The following MYO5B variants were observed in gnomAD, a reference collection of about 807,000 sequenced individuals.
The protein encoded by MYO5B is myosin VB.
Under a neutral mutation model 229.3 loss-of-function variants are expected in MYO5B, and 143 were observed. The observed-to-expected ratio is 0.62, with a 90% CI of 0.54 to 0.72. The LOEUF (loss-of-function observed/expected upper bound fraction) is 0.72, where lower values mean the gene tolerates loss of function less well. MYO5B is among the 30% of genes least tolerant of loss of function. MYO5B has a pLI of 0.00. For missense variants in MYO5B, 2,321 were observed against 2,331.0 expected, an observed-to-expected ratio of 1.00 and a Z score of 0.09; for synonymous variants, 918 against 885.2, an observed-to-expected ratio of 1.04 and a Z score of -0.66.
Position 50,194,809 on chromosome 18 carries a change from G to A in MYO5B, c.-16C>T. On this transcript the variant is annotated 5_prime_UTR_variant, in exon 1 of 40. Coordinates refer to ENST00000285039, the MANE Select transcript of MYO5B (RefSeq NM_001080467.3). Reference sequence around the variant, plus strand: ...CCACCGACATGGCCCGGGCCGGGCGGGGCTCGGGCCCCGGCTCCTGGCTGC... The same window carrying A: ...CCACCGACATGGCCCGGGCCGGGCGAGGCTCGGGCCCCGGCTCCTGGCTGC... 1 of 1,338,864 alleles carries A rather than the reference G, an allele frequency of 7.5e-7. No homozygotes were observed. The highest frequency in any genetic ancestry group is 9.5e-7 in the Non-Finnish European group (1 of 1,049,094). 82.9% of individuals were successfully genotyped at this position (1,338,864 alleles called of 1,614,324 possible). A position where few individuals can be genotyped will look rare whatever the true frequency, so the allele number is the denominator to read the frequency against.
At chr18:50,175,056 G>A (rs2032976181) in intron 1 of MYO5B, among the ~76,000 whole-genome samples, 1 of 152,188 alleles carries the variant, frequency 6.6e-6, no homozygotes, top group Non-Finnish European at 1.5e-5. Flanking sequence ...GACACTATGG[G>A]GAAGTGACAT....
intron 31 of MYO5B, among the ~76,000 whole-genome samples, 179 bp downstream of exon 31, chr18:49,853,269 GC>G (rs1568610686): frequency 6.6e-6 from 1 of 152,214 alleles, no homozygotes; most frequent in Non-Finnish European, 1.5e-5. Context: ...CAGGAGTGGG[GC>G]TGTCTGAGAT....
At chr18:50,182,363 TG>T (rs2033085152) in intron 1 of MYO5B, among the ~76,000 whole-genome samples, 1 of 152,184 alleles carries the variant, frequency 6.6e-6, no homozygotes, top group Non-Finnish European at 1.5e-5. Flanking sequence ...AGACTGGTTT[TG>T]GGGGTGTTTG....
chr18:49,882,086 T>C (rs1450360248), intron 22 of MYO5B, among the ~76,000 whole-genome samples: 1 of 152,106 alleles, frequency 6.6e-6, no homozygotes. Flanking sequence ...CTTTGTGACA[T>C]GGATGAGGAC....
intron 15 of MYO5B, among the ~76,000 whole-genome samples, chr18:49,936,556 G>A (rs2025252497): frequency 6.6e-6 from 1 of 152,020 alleles, no homozygotes; most frequent in Non-Finnish European, 1.5e-5. Flanking sequence ...CCTATTTAAG[G>A]GTTCCTTGAA....
At chr18:50,158,568 T>C (rs188278246) in intron 1 of MYO5B, among the ~76,000 whole-genome samples, 6 of 152,326 alleles carry the variant, frequency 3.9e-5, no homozygotes, top group Admixed American at 2.0e-4. Context: ...CATTTGTACA[T>C]GGACAATCAC....
chr18:49,866,053 A>T (rs2024391877), intron 27 of MYO5B, among the ~76,000 whole-genome samples: 1 of 152,146 alleles, frequency 6.6e-6, no homozygotes, highest in Admixed American at 6.5e-5. Flanking sequence ...AATATAAAAC[A>T]CAAAATTAGC....
At chr18:49,874,606 T>TTGATTGCAAA (rs2024495019) in intron 26 of MYO5B, among the ~76,000 whole-genome samples, 1 of 152,174 alleles carries the variant, frequency 6.6e-6, no homozygotes, top group African/African-American at 2.4e-5. Context: ...TGTATCACAA[T>TTGATTGCAAA]TGATTGCAAA....
chr18:49,899,317 C>G (rs2024815178), intron 21 of MYO5B, among the ~76,000 whole-genome samples: 1 of 152,116 alleles, frequency 6.6e-6, no homozygotes, highest in Non-Finnish European at 1.5e-5. Context: ...TGAAACAAGC[C>G]CCTATATAGA....
chr18:50,144,960 T>C (rs1407598779), intron 1 of MYO5B, among the ~76,000 whole-genome samples: 1 of 152,144 alleles, frequency 6.6e-6, no homozygotes, highest in Non-Finnish European at 1.5e-5. Context: ...CCTCAGAGTG[T>C]TGGGGACACT....
At chr18:49,877,057 A>G (rs1355196523) in intron 25 of MYO5B, among the ~76,000 whole-genome samples, 2 of 151,984 alleles carry the variant, frequency 1.3e-5, no homozygotes, top group Non-Finnish European at 2.9e-5. Context: ...ACTGCTCCAA[A>G]CCCATTTGTT....
chr18:49,944,804 C>A (rs1363994900), intron 14 of MYO5B, among the ~76,000 whole-genome samples: 1 of 152,244 alleles, frequency 6.6e-6, no homozygotes, highest in Non-Finnish European at 1.5e-5. Flanking sequence ...TCTCTTCTCA[C>A]TTTACCATCG....
Position 49,919,833 on chromosome 18 carries a change from A to G in MYO5B, c.2091-7660T>C, listed in dbSNP as rs191523094. On this transcript the variant is annotated intron_variant, in intron 17 of 39. Transcript: ENST00000285039. ...CCACTCCAAGGTATACCCTCAAGAG[A>G]AAAAATGTGTCTACACAAAAACATG... Among the ~76,000 whole-genome samples, 83 of 152,338 alleles carry G rather than the reference A, an allele frequency of 5.4e-4. 1 individual carries two copies. In the East Asian group the frequency reaches 0.012, roughly 22 times the overall value.
At chr18:50,097,601 G>C (rs1206420545) in intron 1 of MYO5B, 1 of 215,188 alleles carries the variant, frequency 4.6e-6, no homozygotes, top group Non-Finnish European at 9.4e-6. Flanking sequence ...CTCTGCAGCA[G>C]CAGCAGAATG....
chr18:49,899,431 G>T (rs1401473997), intron 21 of MYO5B, among the ~76,000 whole-genome samples: 1 of 152,166 alleles, frequency 6.6e-6, no homozygotes, highest in Non-Finnish European at 1.5e-5. Context: ...CCGGTCCCAA[G>T]CAAGGACAAT....
intron 1 of MYO5B, among the ~76,000 whole-genome samples, chr18:50,145,563 G>C (rs1478902867): frequency 7.9e-6 from 1 of 126,716 alleles, no homozygotes; most frequent in African/African-American, 3.1e-5. Context: ...ATCCCCAAAA[G>C]CAAAGTATTT....
In MYO5B at chr18:50,007,175, G is replaced by A. The variant is rs553579091; in HGVS notation, c.456-5764C>T. On this transcript the variant is annotated intron_variant, in intron 4 of 39. Transcript: ENST00000285039. ...TTGGCAGGCTCTGTGCTTTCACCTC[G>A]AATTCCCAGGGCTCCTGGCATCCAA... is the stretch of plus-strand genomic sequence containing the variant. Among the ~76,000 whole-genome samples, 312 of 152,208 alleles carry A rather than the reference G, an allele frequency of 2.0e-3. 1 individual carries two copies. Among genetic ancestry groups the A allele is most frequent in the African/African-American group, 7.0e-3 (289 of 41,532 alleles).
intron 1 of MYO5B, among the ~76,000 whole-genome samples, chr18:50,068,034 TACACAC>T (rs1189668114): frequency 1.4e-5 from 1 of 71,860 alleles, no homozygotes; most frequent in African/African-American, 3.5e-5. Context: ...CATATATATA[TACACAC>T]ATATACACAC....
chr18:50,029,091 T>C (rs1379738978), intron 4 of MYO5B, among the ~76,000 whole-genome samples: 1 of 152,226 alleles, frequency 6.6e-6, no homozygotes, highest in Non-Finnish European at 1.5e-5. Context: ...CTTAAATAAC[T>C]TTCCCCTACT....
Sources: allele counts gnomAD v4.1 joint callset (sites outside exome capture counted in the v4.1 genomes callset), GRCh38; gene constraint gnomAD v4.1.1; transcripts MANE v1.5; gene names NCBI Gene and HGNC (gene_info 2026-07-23, HGNC 2026-07-21).